MTAP: variants seen among roughly 807,000 people sequenced by gnomAD.
MTAP encodes the protein S-methyl-5'-thioadenosine phosphorylase.
A neutral mutation model predicts 33.6 loss-of-function variants in MTAP; 33 were observed. That is an observed-to-expected ratio of 0.98 (90% confidence interval 0.74 to 1.31). The LOEUF (loss-of-function observed/expected upper bound fraction) is 1.31. Ranked by LOEUF, MTAP falls within the 40% of genes most tolerant of loss-of-function variation. The pLI, the probability that MTAP is intolerant of heterozygous loss-of-function variation, is 0.00. For synonymous variants in MTAP, 148 were observed against 125.7 expected (o/e 1.18, Z -1.19); for missense variants, 367 against 360.0 (o/e 1.02, Z -0.16).
At chr9:21,900,058 AC>A (rs1408205881) in intron 1 of MTAP, among the ~76,000 whole-genome samples, 1 of 152,154 alleles carries the variant, frequency 6.6e-6, no homozygotes, top group Non-Finnish European at 1.5e-5. Flanking sequence ...TAAATGTAAA[AC>A]CTAGAACTAT....
intron 4 of MTAP, among the ~76,000 whole-genome samples, chr9:21,834,272 G>A (rs973531227): frequency 1.3e-5 from 2 of 152,192 alleles, no homozygotes; most frequent in African/African-American, 2.4e-5. Flanking sequence ...GCAGAGAGAC[G>A]AGAGTGACTT....
intron 1 of MTAP, among the ~76,000 whole-genome samples, chr9:21,807,099 G>C (rs1824226556): frequency 6.6e-6 from 1 of 152,224 alleles, no homozygotes; most frequent in African/African-American, 2.4e-5. Flanking sequence ...AGGAGGCAGA[G>C]GTTGCAGTGA....
intron 1 of MTAP, among the ~76,000 whole-genome samples, chr9:21,928,910 AC>A (rs922690636): frequency 4.6e-5 from 7 of 151,668 alleles, no homozygotes; most frequent in African/African-American, 1.7e-4. Flanking sequence ...TGCCAAAATC[AC>A]CCAGTATGTT....
chr9:21,863,548 A>G lies in MTAP; in HGVS notation c.*1534A>G. 2 of 732,080 alleles carry G rather than the reference A, an allele frequency of 2.7e-6. No homozygotes were observed. Among genetic ancestry groups the G allele is most frequent in the Non-Finnish European group, 3.3e-6 (2 of 598,608 alleles). 45.3% of individuals were successfully genotyped at this position (732,080 alleles called of 1,614,324 possible). On this transcript the variant is annotated 3_prime_UTR_variant, in exon 8 of 8. Coordinates refer to ENST00000644715, the MANE Select transcript of MTAP (RefSeq NM_002451.4). ...TGTGAACCTGGGAGGTGGAGCTTGC[A>G]GTGAGCAGAGCTTGCAGTGAGACGA...
intron 1 of MTAP, among the ~76,000 whole-genome samples, chr9:21,883,204 TAGAAAAG>T (rs1469237297): frequency 2.0e-5 from 3 of 150,910 alleles, no homozygotes; most frequent in African/African-American, 7.3e-5. Flanking sequence ...AACAATCAAT[TAGAAAAG>T]GGAGTAAAAG....
chr9:21,907,180 G>A (rs200164542), intron 1 of MTAP, among the ~76,000 whole-genome samples: 2 of 152,206 alleles, frequency 1.3e-5, no homozygotes, highest in East Asian at 3.8e-4. Context: ...GTGGTCAGTA[G>A]TGTTTAACTT....
chr9:21,863,322 TG>T lies in MTAP; in HGVS notation c.*1309del. 1 of 984,434 alleles carries T rather than the reference TG, an allele frequency of 1.0e-6. No homozygotes were observed. Among genetic ancestry groups the T allele is most frequent in the Non-Finnish European group, 1.2e-6 (1 of 829,028 alleles). 61.0% of individuals were successfully genotyped at this position (984,434 alleles called of 1,614,324 possible). A position where few individuals can be genotyped will look rare whatever the true frequency, so the allele number is the denominator to read the frequency against. On this transcript the variant is annotated 3_prime_UTR_variant, in exon 8 of 8. Coordinates refer to ENST00000644715, the MANE Select transcript of MTAP (RefSeq NM_002451.4). ...ATTGTTATTTTATAGAAATGCTTTT[TG>T]TTGGCCGGGCACAGTTGCTCATCCA...
intron 1 of MTAP, among the ~76,000 whole-genome samples, chr9:21,918,906 A>G (rs1321181508): frequency 1.3e-5 from 2 of 152,306 alleles, no homozygotes; most frequent in South Asian, 4.1e-4. Context: ...TGTCTTTATT[A>G]GCAGCGTGAG....
At chr9:21,936,120 C>G (rs1339271991), downstream of MTAP, 1 of 152,166 alleles carries the variant, frequency 6.6e-6, no homozygotes, top group African/African-American at 2.4e-5. Context: ...TATAGGAGAT[C>G]TCCAGTGATG....
At chr9:21,834,224 G>C (rs181831988) in intron 4 of MTAP, among the ~76,000 whole-genome samples, 27 of 152,266 alleles carry the variant, frequency 1.8e-4, no homozygotes, top group African/African-American at 6.5e-4. Flanking sequence ...AAGGTAAGTG[G>C]GATTACTCCC....
At chr9:21,824,584 G>C (rs1419261952) in intron 4 of MTAP, among the ~76,000 whole-genome samples, 1 of 152,208 alleles carries the variant, frequency 6.6e-6, no homozygotes, top group Non-Finnish European at 1.5e-5. Context: ...TCCATTCTCA[G>C]ATCTCAAACT....
chr9:21,902,683 T>C (rs956378127), intron 1 of MTAP, among the ~76,000 whole-genome samples: 1 of 152,238 alleles, frequency 6.6e-6, no homozygotes, highest in African/African-American at 2.4e-5. Flanking sequence ...ACTGTTTTCA[T>C]CAGGGTTTTT....
At chr9:21,881,675 A>T (rs145598158) in intron 1 of MTAP, among the ~76,000 whole-genome samples, 4 of 152,170 alleles carry the variant, frequency 2.6e-5, no homozygotes, top group Admixed American at 2.6e-4. Context: ...TCAAAACCAC[A>T]TTGAGATATC....
At chr9:21,813,501 C>T (rs1241641602) in intron 1 of MTAP, among the ~76,000 whole-genome samples, 3 of 152,168 alleles carry the variant, frequency 2.0e-5, no homozygotes, top group Non-Finnish European at 2.9e-5. Flanking sequence ...TTCAGCGGGA[C>T]ACCTGGTTAG....
rs2118585291 is a variant in MTAP at position 21,863,048 on chromosome 9, G to A, written c.*1034G>A. On this transcript the variant is annotated 3_prime_UTR_variant, in exon 8 of 8. Transcript: ENST00000644715. ...GGAGTTACATCTTTATTCTGCTAAA[G>A]AAGAGGATCATTGATTTCTGTACAG... 2.0e-6 allele frequency: 2 copies of A among 985,426 alleles called. No individual in the cohort carries two copies. The highest frequency in any genetic ancestry group is 9.4e-5 in the South Asian group (2 of 21,284). The allele number at this position is 985,426 out of a possible 1,614,324, so 61.0% of individuals were successfully genotyped here. A position where few individuals can be genotyped will look rare whatever the true frequency, so the allele number is the denominator to read the frequency against.
At chr9:21,819,764 A>G (rs1466109758) in intron 4 of MTAP, among the ~76,000 whole-genome samples, 1 of 152,222 alleles carries the variant, frequency 6.6e-6, no homozygotes, top group Non-Finnish European at 1.5e-5. Context: ...CCAGCAGTGT[A>G]AAAGTGTTCC....
At chr9:21,808,007 G>C (rs1587192972) in intron 1 of MTAP, among the ~76,000 whole-genome samples, 1 of 152,338 alleles carries the variant, frequency 6.6e-6, no homozygotes, top group East Asian at 1.9e-4. Flanking sequence ...CTAAAGCAGT[G>C]GTTCTCAAAG....
At chr9:21,820,544 CCTTGTAGTGTAGT>C (rs1824607570) in intron 4 of MTAP, among the ~76,000 whole-genome samples, 1 of 152,146 alleles carries the variant, frequency 6.6e-6, no homozygotes, top group African/African-American at 2.4e-5. Flanking sequence ...GTGACTGTAG[CCTTGTAGTGTAGT>C]TTGAAGTCAG....
exon 2 of MTAP, chr9:21,931,107 C>T: frequency 1.3e-6 from 1 of 763,284 alleles, no homozygotes. Context: ...ATCAGTGGGA[C>T]ATGGCAGAGG....
Sources: allele counts gnomAD v4.1 joint callset (sites outside exome capture counted in the v4.1 genomes callset), GRCh38; gene constraint gnomAD v4.1.1; transcripts MANE v1.5; gene names NCBI Gene and HGNC (gene_info 2026-07-23, HGNC 2026-07-21).